The following FOXO1 variants were observed in gnomAD, a reference collection of about 807,000 sequenced individuals.
The protein encoded by FOXO1 is forkhead box O1.
In FOXO1, 6 loss-of-function variants were observed where a neutral mutation model predicts 44.1. The ratio of observed to expected loss-of-function variants is 0.14; its 90% CI spans 0.07 to 0.27. The LOEUF (loss-of-function observed/expected upper bound fraction) is 0.27. Among genes scored for constraint, FOXO1 ranks in the 10% least tolerant of loss-of-function variants. The pLI, the probability that FOXO1 is intolerant of heterozygous loss-of-function variation, is 1.00. For synonymous variants in FOXO1, 380 were observed against 362.7 expected, an observed-to-expected ratio of 1.05 and a Z score of -0.54; for missense variants, 737 against 888.8, an observed-to-expected ratio of 0.83 and a Z score of 2.17.
At chr13:40,637,072 G>C (rs958654368) in intron 1 of FOXO1, among the ~76,000 whole-genome samples, 1 of 152,126 alleles carries the variant, frequency 6.6e-6, no homozygotes, top group Admixed American at 6.5e-5. Flanking sequence ...GAGGAAGGTT[G>C]GATTCAAACT....
At chr13:40,597,997 C>T (rs1190084277) in intron 1 of FOXO1, among the ~76,000 whole-genome samples, 1 of 152,168 alleles carries the variant, frequency 6.6e-6, no homozygotes. Context: ...TTCCCAGCCT[C>T]AGAGAATCGG....
At chr13:40,575,859 C>T (rs1364216755) in intron 1 of FOXO1, among the ~76,000 whole-genome samples, 1 of 152,138 alleles carries the variant, frequency 6.6e-6, no homozygotes, top group Non-Finnish European at 1.5e-5. Flanking sequence ...GGAATTGGGA[C>T]GTGAAGCAAA....
At chr13:40,585,336 C>CGA (rs1407331597) in intron 1 of FOXO1, among the ~76,000 whole-genome samples, 1 of 121,132 alleles carries the variant, frequency 8.3e-6, no homozygotes, top group Non-Finnish European at 1.8e-5. Context: ...ATTTCCTCTG[C>CGA]GCGCGCGCAC....
intron 1 of FOXO1, among the ~76,000 whole-genome samples, chr13:40,590,360 G>C (rs1466240016): frequency 6.6e-6 from 1 of 152,130 alleles, no homozygotes; most frequent in Non-Finnish European, 1.5e-5. Flanking sequence ...CCTTCTCCTT[G>C]CTAAGACTCT....
chr13:40,612,948 T>C (rs541120383), intron 1 of FOXO1, among the ~76,000 whole-genome samples: 5 of 152,298 alleles, frequency 3.3e-5, no homozygotes, highest in African/African-American at 1.2e-4. Flanking sequence ...TTATCTACAA[T>C]TTTAATGGCA....
chr13:40,567,295 C>A (rs780371707), intron 1 of FOXO1, among the ~76,000 whole-genome samples: 1 of 151,930 alleles, frequency 6.6e-6, no homozygotes, highest in Non-Finnish European at 1.5e-5. Context: ...GGCCTTCATA[C>A]CCCGTGTTTT....
chr13:40,634,802 C>T (rs927132838), intron 1 of FOXO1, among the ~76,000 whole-genome samples: 5 of 152,204 alleles, frequency 3.3e-5, no homozygotes, highest in East Asian at 1.9e-4. Flanking sequence ...TCCTCAGCCC[C>T]GAGTAGCTGG....
chr13:40,619,546 G>A, intron 1 of FOXO1: 8 of 1,390,130 alleles, frequency 5.8e-6, no homozygotes, highest in Non-Finnish European at 8.2e-6. Context: ...AATTCATGGA[G>A]ATTATACAAA....
chr13:40,569,619 T>C (rs1874404316), intron 1 of FOXO1, among the ~76,000 whole-genome samples: 1 of 152,206 alleles, frequency 6.6e-6, no homozygotes, highest in Admixed American at 6.5e-5. Flanking sequence ...AAATTGTGTT[T>C]TCTCCCTGTT....
chr13:40,564,478 C>T (rs149342444), intron 1 of FOXO1, among the ~76,000 whole-genome samples: 1 of 151,996 alleles, frequency 6.6e-6, no homozygotes, highest in East Asian at 1.9e-4. Context: ...ACACAGCCAG[C>T]GGGACATTAA....
chr13:40,603,685 A>C (rs183365372), intron 1 of FOXO1, among the ~76,000 whole-genome samples: 89 of 152,252 alleles, frequency 5.8e-4, no homozygotes, highest in African/African-American at 2.1e-3. Flanking sequence ...TATCAATCCA[A>C]CTACAGAGTT....
Position 40,559,919 on chromosome 13 carries a change from G to T in FOXO1, c.1572C>A (p.His524Gln). ...CAGATGTCTGCTGAGCATGTCCAGG[G>T]TGGGTATGGGAGCTGGGATTCATCA... ...NKMMNPSSHT[H>Q]PGHAQQTSAV... Residue 524 changes from histidine to glutamine, a missense_variant, in exon 2 of 3, where the codon CAC (histidine) becomes CAA (glutamine). This residue lies in a region of FOXO1 where 283 missense variants were observed against 278.1 expected (regional missense o/e 1.02). Transcript: ENST00000379561. 1 of 1,614,192 alleles carries T rather than the reference G, an allele frequency of 6.2e-7. No individual in the cohort carries two copies. The highest frequency in any genetic ancestry group is 8.5e-7 in the Non-Finnish European group (1 of 1,180,046).
chr13:40,622,282 T>C (rs1876640333), intron 1 of FOXO1, among the ~76,000 whole-genome samples: 1 of 152,246 alleles, frequency 6.6e-6, no homozygotes, highest in Admixed American at 6.5e-5. Flanking sequence ...TTAAGTTCAC[T>C]TGGAGGCTAA....
chr13:40,574,234 G>GAGAT (rs2137841370), intron 1 of FOXO1, among the ~76,000 whole-genome samples: 1 of 152,276 alleles, frequency 6.6e-6, no homozygotes, highest in African/African-American at 2.4e-5. Context: ...AGCACATTTG[G>GAGAT]AGATGCCTTT....
At chr13:40,656,786 T>A (rs1877872731) in intron 1 of FOXO1, among the ~76,000 whole-genome samples, 2 of 152,208 alleles carry the variant, frequency 1.3e-5, no homozygotes, top group Non-Finnish European at 2.9e-5. Flanking sequence ...TTTCTACCTA[T>A]ACTTTTCAAA....
chr13:40,622,589 A>T (rs925564558), intron 1 of FOXO1, among the ~76,000 whole-genome samples: 1 of 152,108 alleles, frequency 6.6e-6, no homozygotes, highest in African/African-American at 2.4e-5. Context: ...GCCAAAGAAA[A>T]TCCAAACAAA....
Position 40,640,758 on chromosome 13 carries a change from TTTGTTGTTGTTG to T in FOXO1, c.630+24813_630+24824del, listed in dbSNP as rs142761112. On this transcript the variant is annotated intron_variant, in intron 1 of 2. Transcript: ENST00000379561. ...AAACAGGTCAGTGTTTGTTATTTCTTTTGTTGTTGTTGTTGTTGTTGTTGTTGTTGTTGTTGT... is the reference window on the plus strand; with the variant it reads ...AAACAGGTCAGTGTTTGTTATTTCTTTTGTTGTTGTTGTTGTTGTTGTTGT... Among the ~76,000 whole-genome samples, 572 of 140,526 alleles carry T rather than the reference TTTGTTGTTGTTG, an allele frequency of 4.1e-3. 5 individuals are homozygous for T. The highest frequency in any genetic ancestry group is 0.014 in the African/African-American group (530 of 36,574). The allele number at this position is 140,526 out of a possible 152,430, so 92.2% of individuals were successfully genotyped here.
chr13:40,633,297 T>TA (rs1357962834), intron 1 of FOXO1, among the ~76,000 whole-genome samples: 1 of 152,110 alleles, frequency 6.6e-6, no homozygotes, highest in Non-Finnish European at 1.5e-5. Context: ...TATATGCACA[T>TA]AAAAAAACTA....
chr13:40,637,402 C>T (rs1038420279), intron 1 of FOXO1, among the ~76,000 whole-genome samples: 2 of 143,646 alleles, frequency 1.4e-5, no homozygotes, highest in African/African-American at 5.3e-5. Context: ...CAAGATCGTG[C>T]CACTGCACTC....
Sources: allele counts gnomAD v4.1 joint callset (sites outside exome capture counted in the v4.1 genomes callset), GRCh38; gene constraint gnomAD v4.1.1; regional missense constraint gnomAD v4.1.1; transcripts MANE v1.5; gene names NCBI Gene and HGNC (gene_info 2026-07-23, HGNC 2026-07-21).